Variants in TRABD2B observed in about 807,000 individuals in gnomAD.
TRABD2B encodes the protein TraB domain containing 2B, also known as metalloprotease TIKI2.
A neutral mutation model predicts 40.1 loss-of-function variants in TRABD2B; 14 were observed. The observed-to-expected ratio is 0.35, with a 90% CI of 0.23 to 0.55. The LOEUF is 0.55. TRABD2B is among the 20% of genes least tolerant of loss of function. The pLI, the probability that TRABD2B is intolerant of heterozygous loss-of-function variation, is 0.90. For synonymous variants in TRABD2B, 263 were observed against 277.0 expected (o/e 0.95, Z 0.50); for missense variants, 541 against 648.6 (o/e 0.83, Z 1.80).
intron 2 of TRABD2B, among the ~76,000 whole-genome samples, chr1:47,970,030 T>A (rs1442808242): frequency 6.6e-6 from 1 of 152,094 alleles, no homozygotes; most frequent in Non-Finnish European, 1.5e-5. Flanking sequence ...TCAGGCTCTA[T>A]CCAGCCCTGA....
chr1:47,878,407 C>T (rs1401353833), intron 2 of TRABD2B, among the ~76,000 whole-genome samples: 2 of 152,168 alleles, frequency 1.3e-5, no homozygotes, highest in African/African-American at 4.8e-5. Flanking sequence ...GAAGGGATTA[C>T]ACTGTGGTGA....
At chr1:47,976,008 G>T (rs1310131401) in intron 2 of TRABD2B, among the ~76,000 whole-genome samples, 1 of 152,132 alleles carries the variant, frequency 6.6e-6, no homozygotes, top group Admixed American at 6.5e-5. Context: ...GTTGGTAGCT[G>T]AGCTGGGGCC....
chr1:47,940,098 T>C (rs1425720854), intron 2 of TRABD2B, among the ~76,000 whole-genome samples: 1 of 152,224 alleles, frequency 6.6e-6, no homozygotes, highest in African/African-American at 2.4e-5. Context: ...CTGATCACCA[T>C]GTGGTTTCCC....
intron 2 of TRABD2B, among the ~76,000 whole-genome samples, chr1:47,873,837 G>A (rs935575535): frequency 5.3e-5 from 8 of 152,088 alleles, no homozygotes; most frequent in African/African-American, 9.7e-5. Context: ...ACCAAGAGTC[G>A]GTTTGGGAGT....
chr1:47,767,700 G>C (rs1644323382), intron 6 of TRABD2B, among the ~76,000 whole-genome samples: 1 of 152,212 alleles, frequency 6.6e-6, no homozygotes, highest in Non-Finnish European at 1.5e-5. Flanking sequence ...GGCCAGCCTA[G>C]AGGGTAGGCT....
intron 6 of TRABD2B, among the ~76,000 whole-genome samples, chr1:47,767,487 C>A (rs1401296274): frequency 6.6e-6 from 1 of 152,198 alleles, no homozygotes; most frequent in Non-Finnish European, 1.5e-5. Flanking sequence ...AAGCACTGGC[C>A]ACTCTTTAAC....
chr1:47,804,602 T>G (rs2124303549), intron 2 of TRABD2B, among the ~76,000 whole-genome samples: 1 of 152,340 alleles, frequency 6.6e-6, no homozygotes, highest in African/African-American at 2.4e-5. Context: ...CTCACAGAGT[T>G]GCTTCTGCAA....
intron 2 of TRABD2B, among the ~76,000 whole-genome samples, chr1:47,935,311 C>A (rs1322397254): frequency 1.3e-5 from 2 of 152,196 alleles, no homozygotes; most frequent in Non-Finnish European, 2.9e-5. Flanking sequence ...GGTCAAACAA[C>A]TGCCAAATAA....
At chr1:47,873,964 G>A (rs1644181724) in intron 2 of TRABD2B, among the ~76,000 whole-genome samples, 1 of 152,180 alleles carries the variant, frequency 6.6e-6, no homozygotes, top group Non-Finnish European at 1.5e-5. Flanking sequence ...GGAGAAAAAT[G>A]TGTGACTGGA....
intron 2 of TRABD2B, among the ~76,000 whole-genome samples, chr1:47,928,068 T>G (rs982078406): frequency 6.6e-6 from 1 of 152,208 alleles, no homozygotes; most frequent in African/African-American, 2.4e-5. Context: ...AAGTGATCCG[T>G]GGGCACAGTA....
intron 2 of TRABD2B, among the ~76,000 whole-genome samples, chr1:47,807,844 T>TA (rs1445829892): frequency 4.6e-5 from 7 of 152,344 alleles, no homozygotes; most frequent in South Asian, 2.1e-4. Flanking sequence ...TTTTGGTGTA[T>TA]GCAGGATAGC....
chr1:47,996,336 TC>T lies in TRABD2B; in HGVS notation c.102+351del, dbSNP rs759437573. 1.3e-5 allele frequency among the ~76,000 whole-genome samples: 2 copies of T among 151,404 alleles called. No individual in the cohort carries two copies. The highest frequency in any genetic ancestry group is 2.9e-5 in the Non-Finnish European group (2 of 67,876). ...GGCAAGGAACGGTAGAAAAACACAG[TC>T]AGAAGCGGGCAGAGAGACCAGAAGG... is the stretch of plus-strand genomic sequence containing the variant. On this transcript the variant is annotated intron_variant, in intron 1 of 6. Coordinates refer to ENST00000606738, the MANE Select transcript of TRABD2B (RefSeq NM_001194986.2). This position sits in a 1 kb window ranked among gnomAD's most constrained non-coding sequence, Gnocchi z 4.6.
At chr1:47,820,674 G>A (rs936875607) in intron 2 of TRABD2B, among the ~76,000 whole-genome samples, 1 of 152,008 alleles carries the variant, frequency 6.6e-6, no homozygotes, top group Non-Finnish European at 1.5e-5. Flanking sequence ...TGTGACTCAA[G>A]GGCCCACTTT....
At chr1:47,798,134 G>A (rs2124252345) in intron 3 of TRABD2B, among the ~76,000 whole-genome samples, 1 of 152,246 alleles carries the variant, frequency 6.6e-6, no homozygotes, top group East Asian at 1.9e-4. Context: ...CAGACTGATG[G>A]GGGAGTCACA....
chr1:47,843,734 C>T (rs899820474), intron 2 of TRABD2B, among the ~76,000 whole-genome samples: 1 of 152,058 alleles, frequency 6.6e-6, no homozygotes, highest in African/African-American at 2.4e-5. Flanking sequence ...AGGGGTGGCC[C>T]GAAATTCAAG....
intron 3 of TRABD2B, chr1:47,795,770 C>G (rs778551319): frequency 2.3e-6 from 2 of 887,658 alleles, no homozygotes; most frequent in Non-Finnish European, 2.7e-6. Context: ...CATCCCTGCA[C>G]CACCACTTTC....
chr1:47,864,646 T>C (rs1360426411), intron 2 of TRABD2B, among the ~76,000 whole-genome samples: 2 of 152,188 alleles, frequency 1.3e-5, no homozygotes, highest in African/African-American at 4.8e-5. Context: ...GGTTTTCCTC[T>C]TGAGTTAACT....
intron 2 of TRABD2B, among the ~76,000 whole-genome samples, chr1:47,983,064 CA>C (rs1645864031): frequency 6.6e-6 from 1 of 152,144 alleles, no homozygotes; most frequent in African/African-American, 2.4e-5. Flanking sequence ...TTCACAATAG[CA>C]AAGACATGGA....
rs565555548 is a variant in TRABD2B at position 47,955,919 on chromosome 1, C to T, written c.666+38115G>A. Among the ~76,000 whole-genome samples the T allele has an allele frequency of 1.2e-4, 18 of 152,298 alleles. No homozygotes were observed. In the South Asian group the frequency reaches 2.7e-3, roughly 23 times the overall value. On this transcript the variant is annotated intron_variant, in intron 2 of 6. Transcript: ENST00000606738. ...GCAAGGAACTCTAAGCAGCCTGTACCTCCTAGGCTGCTGCCTCAGTCTCCT... is the reference window on the plus strand; with the variant it reads ...GCAAGGAACTCTAAGCAGCCTGTACTTCCTAGGCTGCTGCCTCAGTCTCCT...
Sources: allele counts gnomAD v4.1 joint callset (sites outside exome capture counted in the v4.1 genomes callset), GRCh38; gene constraint gnomAD v4.1.1; non-coding constraint Gnocchi (gnomAD v3.1); transcripts MANE v1.5; gene names NCBI Gene and HGNC (gene_info 2026-07-23, HGNC 2026-07-21).